The following MAGI1 variants were observed in gnomAD, a reference collection of about 807,000 sequenced individuals.
MAGI1 encodes the protein membrane associated guanylate kinase, WW and PDZ domain containing 1.
MAGI1 carries 58 observed loss-of-function variants against 139.9 expected under a neutral mutation model. That is an observed-to-expected ratio of 0.41 (90% confidence interval 0.34 to 0.52). The LOEUF is 0.52. Ranked by LOEUF, MAGI1 falls within the 20% of genes least tolerant of loss-of-function variation. The pLI is 0.12. For missense variants in MAGI1, 1,874 were observed against 1,901.6 expected (o/e 0.99, Z 0.27); for synonymous variants, 812 against 737.9 (o/e 1.10, Z -1.63).
chr3:65,891,083 T>C (rs2060723998), intron 1 of MAGI1, among the ~76,000 whole-genome samples: 1 of 151,764 alleles, frequency 6.6e-6, no homozygotes, highest in Non-Finnish European at 1.5e-5. Flanking sequence ...CACGGTGGCA[T>C]GCACCTGTAG....
intron 1 of MAGI1, among the ~76,000 whole-genome samples, chr3:65,934,696 T>A (rs1366239774): frequency 1.3e-5 from 2 of 151,870 alleles, no homozygotes; most frequent in African/African-American, 4.8e-5. Flanking sequence ...CCAACCTAAT[T>A]ATAAAACCGA....
chr3:65,639,458 C>A (rs2084850220), intron 1 of MAGI1, among the ~76,000 whole-genome samples: 1 of 152,116 alleles, frequency 6.6e-6, no homozygotes, highest in East Asian at 1.9e-4. Flanking sequence ...CTTAAATCTG[C>A]ACAGGTATTT....
chr3:65,940,221 G>C (rs992205966), intron 1 of MAGI1, among the ~76,000 whole-genome samples: 1 of 152,132 alleles, frequency 6.6e-6, no homozygotes, highest in South Asian at 2.1e-4. Flanking sequence ...GCAATACTAG[G>C]AATGGCTGCT....
At chr3:65,916,151 T>C (rs2108701146) in intron 1 of MAGI1, among the ~76,000 whole-genome samples, 1 of 151,994 alleles carries the variant, frequency 6.6e-6, no homozygotes, top group South Asian at 2.1e-4. Flanking sequence ...ACTGCAACCT[T>C]TGCCTCCCGG....
intron 1 of MAGI1, among the ~76,000 whole-genome samples, chr3:65,630,229 C>A (rs6777183): frequency 0.049 from 7,505 of 152,146 alleles, 602 homozygotes; most frequent in African/African-American, 0.17. Context: ...CAATACAGAG[C>A]CCCTGAGCAG....
intron 1 of MAGI1, among the ~76,000 whole-genome samples, chr3:65,775,813 C>T (rs1333020419): frequency 1.3e-5 from 2 of 151,930 alleles, no homozygotes; most frequent in African/African-American, 2.4e-5. Flanking sequence ...CATGGTGGCA[C>T]ATGCCTGTAG....
chr3:65,933,194 G>C (rs1366957793), intron 1 of MAGI1, among the ~76,000 whole-genome samples: 1 of 152,164 alleles, frequency 6.6e-6, no homozygotes, highest in African/African-American at 2.4e-5. Flanking sequence ...AATGCAAAAT[G>C]GCTGAAGTGC....
intron 1 of MAGI1, among the ~76,000 whole-genome samples, chr3:66,022,851 A>G (rs938464324): frequency 1.3e-5 from 2 of 152,218 alleles, no homozygotes; most frequent in Non-Finnish European, 2.9e-5. Flanking sequence ...CTGAAATAAA[A>G]CAGGTTTCAT....
At chr3:65,833,338 C>G (rs554964949) in intron 1 of MAGI1, among the ~76,000 whole-genome samples, 1 of 152,190 alleles carries the variant, frequency 6.6e-6, no homozygotes, top group South Asian at 2.1e-4. Flanking sequence ...AGGCTGGTTT[C>G]AAACTCCTGA....
At chr3:65,481,099 G>A (rs1312778495) in intron 3 of MAGI1, among the ~76,000 whole-genome samples, 4 of 152,096 alleles carry the variant, frequency 2.6e-5, no homozygotes, top group African/African-American at 7.2e-5. Context: ...AACCTGATAC[G>A]CACATTCTGG....
chr3:65,862,626 G>T (rs185811971), intron 1 of MAGI1, among the ~76,000 whole-genome samples: 1 of 152,254 alleles, frequency 6.6e-6, no homozygotes, highest in East Asian at 1.9e-4. Context: ...CAAGTGACAT[G>T]AGACCATTTC....
At chr3:65,745,197 T>C (rs968743126) in intron 1 of MAGI1, among the ~76,000 whole-genome samples, 2 of 152,122 alleles carry the variant, frequency 1.3e-5, no homozygotes, top group African/African-American at 4.8e-5. Flanking sequence ...CCAGAATGCT[T>C]TGTGTCTCAA....
intron 2 of MAGI1, among the ~76,000 whole-genome samples, chr3:65,556,482 A>C (rs993192205): frequency 8.5e-5 from 13 of 152,200 alleles, no homozygotes; most frequent in Admixed American, 7.2e-4. Context: ...CCGCTTTCAG[A>C]GTTCTCATTA....
rs552021071 is a variant in MAGI1 at position 65,530,497 on chromosome 3, C to T, written c.431-36866G>A. Among the ~76,000 whole-genome samples, 461 of 151,240 alleles carry T rather than the reference C, an allele frequency of 3.0e-3. 3 individuals are homozygous for T. Among genetic ancestry groups the T allele is most frequent in the Middle Eastern group, 0.01 (3 of 292 alleles). Reference sequence around the variant, plus strand: ...GGTGTGGTGGTGTGTGCCTGTAGTTCCAGCTGCTACTGGAGAGACTGAGGT... The same window carrying T: ...GGTGTGGTGGTGTGTGCCTGTAGTTTCAGCTGCTACTGGAGAGACTGAGGT... On this transcript the variant is annotated intron_variant, in intron 2 of 22. Coordinates refer to ENST00000402939, the MANE Select transcript of MAGI1 (RefSeq NM_001033057.2).
At chr3:65,862,504 C>T (rs2059589173) in intron 1 of MAGI1, among the ~76,000 whole-genome samples, 1 of 152,180 alleles carries the variant, frequency 6.6e-6, no homozygotes, top group South Asian at 2.1e-4. Flanking sequence ...GCAGGATCTA[C>T]CACTCTGTTC....
At chr3:65,660,343 C>A (rs2086125743) in intron 1 of MAGI1, among the ~76,000 whole-genome samples, 1 of 152,224 alleles carries the variant, frequency 6.6e-6, no homozygotes, top group Admixed American at 6.5e-5. Flanking sequence ...ACATTAAATG[C>A]ATAATTATAC....
chr3:65,851,944 C>T (rs1008209175), intron 1 of MAGI1, among the ~76,000 whole-genome samples: 1 of 152,066 alleles, frequency 6.6e-6, no homozygotes, highest in Non-Finnish European at 1.5e-5. Context: ...GCGAAAGAGG[C>T]AAGAACGGGG....
At position 65,697,761 on chromosome 3, in the gene MAGI1, C is replaced by A. The variant is rs1414187773; in HGVS notation, c.314-75673G>T. On this transcript the variant is annotated intron_variant, in intron 1 of 22. Transcript: ENST00000402939. Reference sequence around the variant, plus strand: ...GAGCTATCTATGACAAACCCACAGCCAATATCATACTGAATGGGCAAAAAC... The same window carrying A: ...GAGCTATCTATGACAAACCCACAGCAAATATCATACTGAATGGGCAAAAAC... Among the ~76,000 whole-genome samples, 2 of 104,840 alleles carry A rather than the reference C, an allele frequency of 1.9e-5. 1 individual carries two copies. Among genetic ancestry groups the A allele is most frequent in the Non-Finnish European group, 3.8e-5 (2 of 52,846 alleles). The allele number at this position is 104,840 out of a possible 152,430, so 68.8% of individuals were successfully genotyped here.
intron 1 of MAGI1, among the ~76,000 whole-genome samples, chr3:66,018,114 G>GT (rs1491284589): frequency 1.3e-4 from 8 of 59,568 alleles, no homozygotes; most frequent in Non-Finnish European, 2.3e-4. Flanking sequence ...ACACTTTGGT[G>GT]GGGGGGGGGG....
Sources: allele counts gnomAD v4.1 joint callset (sites outside exome capture counted in the v4.1 genomes callset), GRCh38; gene constraint gnomAD v4.1.1; transcripts MANE v1.5; gene names NCBI Gene and HGNC (gene_info 2026-07-23, HGNC 2026-07-21).